Variants in MEGF11 observed in about 807,000 individuals in gnomAD.
MEGF11 encodes multiple epidermal growth factor-like domains protein 11.
A neutral mutation model predicts 146.6 loss-of-function variants in MEGF11; 126 were observed. The observed-to-expected ratio is 0.86, with a 90% CI of 0.74 to 1.00. The LOEUF (loss-of-function observed/expected upper bound fraction) is 1.00. MEGF11 is among the 50% of genes least tolerant of loss of function. MEGF11 has a pLI of 0.00. For missense variants in MEGF11, 1,509 were observed against 1,521.2 expected (o/e 0.99, Z 0.13); for synonymous variants, 532 against 583.4 (o/e 0.91, Z 1.27).
chr15:66,045,666 A>G (rs1406875529), intron 5 of MEGF11, among the ~76,000 whole-genome samples: 1 of 152,038 alleles, frequency 6.6e-6, no homozygotes, highest in Middle Eastern at 3.2e-3. Context: ...TCTGACATAT[A>G]CCCTAACTCC....
intron 1 of MEGF11, among the ~76,000 whole-genome samples, chr15:66,200,338 G>T (rs1030330917): frequency 1.3e-5 from 2 of 152,196 alleles, no homozygotes; most frequent in Admixed American, 6.5e-5. Context: ...ACAAACAGTG[G>T]TTTTCTTATG....
intron 12 of MEGF11, among the ~76,000 whole-genome samples, chr15:65,929,361 G>T (rs2079489709): frequency 6.6e-6 from 1 of 152,326 alleles, no homozygotes; most frequent in African/African-American, 2.4e-5. Flanking sequence ...ATCTACCAAC[G>T]AATGGCAACT....
intron 24 of MEGF11, among the ~76,000 whole-genome samples, chr15:65,904,281 G>A (rs901091264): frequency 5.3e-5 from 8 of 152,202 alleles, no homozygotes; most frequent in African/African-American, 1.9e-4. Context: ...AAGAAACTGA[G>A]GTGCCAGGTC....
intron 5 of MEGF11, among the ~76,000 whole-genome samples, chr15:66,000,965 C>G (rs2082348711): frequency 6.6e-6 from 1 of 152,062 alleles, no homozygotes; most frequent in Non-Finnish European, 1.5e-5. Context: ...CTTGGGAGAA[C>G]AGCATGGGCA....
chr15:65,950,166 C>T (rs962318981), intron 10 of MEGF11, among the ~76,000 whole-genome samples: 1 of 152,168 alleles, frequency 6.6e-6, no homozygotes, highest in African/African-American at 2.4e-5. Context: ...TCATCAACAG[C>T]AATAACAGCT....
chr15:65,985,261 G>C (rs996318376), intron 5 of MEGF11, among the ~76,000 whole-genome samples: 1 of 152,206 alleles, frequency 6.6e-6, no homozygotes, highest in African/African-American at 2.4e-5. Flanking sequence ...AGCTCTCCTG[G>C]TTCTAGCTCT....
intron 1 of MEGF11, among the ~76,000 whole-genome samples, chr15:66,161,856 A>G (rs930647109): frequency 1.3e-5 from 2 of 152,200 alleles, no homozygotes; most frequent in African/African-American, 4.8e-5. Context: ...CAGCAGTTAC[A>G]CCACCAGTGG....
chr15:66,183,446 G>A (rs932245024), intron 1 of MEGF11, among the ~76,000 whole-genome samples: 3 of 151,640 alleles, frequency 2.0e-5, no homozygotes, highest in African/African-American at 7.3e-5. Flanking sequence ...GTTGCAGTGA[G>A]CCGAGATTGC....
chr15:65,935,087 G>A (rs2079722302), intron 10 of MEGF11, among the ~76,000 whole-genome samples: 1 of 152,096 alleles, frequency 6.6e-6, no homozygotes, highest in Non-Finnish European at 1.5e-5. Flanking sequence ...TTGGGAGGTT[G>A]AGGCAGGCGG....
At chr15:65,955,757 AAAAAATATATATATATAT>A (rs1373892941) in intron 10 of MEGF11, among the ~76,000 whole-genome samples, 1 of 13,610 alleles carries the variant, frequency 7.3e-5, no homozygotes, top group African/African-American at 1.8e-4. Flanking sequence ...AAAAAAAAAA[AAAAAATATATATATATAT>A]ATATATATAT....
At chr15:66,106,070 G>A (rs1459955978) in intron 4 of MEGF11, among the ~76,000 whole-genome samples, 1 of 152,160 alleles carries the variant, frequency 6.6e-6, no homozygotes, top group Non-Finnish European at 1.5e-5. Context: ...GAGATTGATG[G>A]TGTCATTTGG....
intron 9 of MEGF11, among the ~76,000 whole-genome samples, chr15:65,962,311 T>C (rs553762371): frequency 6.6e-6 from 1 of 152,294 alleles, no homozygotes; most frequent in Non-Finnish European, 1.5e-5. Flanking sequence ...CCAGAGGCTC[T>C]CAACCTCTGG....
intron 10 of MEGF11, among the ~76,000 whole-genome samples, chr15:65,941,517 G>T (rs76774938): frequency 0.074 from 11,283 of 152,184 alleles, 496 homozygotes; most frequent in Non-Finnish European, 0.093. Context: ...TCAAGTTGAG[G>T]CCGTGCCACT....
intron 10 of MEGF11, among the ~76,000 whole-genome samples, chr15:65,941,298 C>T (rs1170756470): frequency 2.0e-5 from 3 of 151,980 alleles, no homozygotes; most frequent in Non-Finnish European, 2.9e-5. Flanking sequence ...CATCTGTAAT[C>T]CCAGCTACTT....
intron 1 of MEGF11, among the ~76,000 whole-genome samples, chr15:66,170,564 T>C (rs574532208): frequency 7.9e-5 from 12 of 152,330 alleles, no homozygotes; most frequent in African/African-American, 2.9e-4. Context: ...GTCTGTAAAA[T>C]GGAGATCAAA....
At position 65,922,468 on chromosome 15, in the gene MEGF11, G is replaced by A. The variant is rs1225276078; in HGVS notation, c.1827C>T (p.Cys609=). ...GFRGPLCQRI[C]PPGFYGHGCA... is the part of the protein sequence containing the mutation. Reference sequence around the variant, plus strand: ...AGCCGTGGCCATAGAACCCAGGGGGGCAGACTGAGGGTGAAGGGAAGATGG... The same window carrying A: ...AGCCGTGGCCATAGAACCCAGGGGGACAGACTGAGGGTGAAGGGAAGATGG... Residue 609 remains cysteine, a synonymous_variant, in exon 15 of 26, where the codon TGC becomes TGT. Transcript: ENST00000395614. 14 of 1,569,128 alleles carry A rather than the reference G, an allele frequency of 8.9e-6. No homozygotes were observed. The highest frequency in any genetic ancestry group is 3.5e-5 in the South Asian group (3 of 84,686).
At chr15:66,064,978 T>A (rs1180461329) in intron 5 of MEGF11, among the ~76,000 whole-genome samples, 4 of 152,208 alleles carry the variant, frequency 2.6e-5, no homozygotes, top group African/African-American at 9.7e-5. Context: ...GCACCAGGTC[T>A]CCTTCTAAGC....
intron 1 of MEGF11, among the ~76,000 whole-genome samples, chr15:66,162,471 G>A (rs983435866): frequency 5.9e-5 from 9 of 152,130 alleles, no homozygotes; most frequent in African/African-American, 2.2e-4. Context: ...TGTAAAATAA[G>A]AAACTTCCCA....
chr15:65,975,803 T>C (rs1045806821), intron 7 of MEGF11, among the ~76,000 whole-genome samples: 1 of 152,154 alleles, frequency 6.6e-6, no homozygotes. Context: ...ACTTAATTAA[T>C]AGTAATTGAA....
Sources: allele counts gnomAD v4.1 joint callset (sites outside exome capture counted in the v4.1 genomes callset), GRCh38; gene constraint gnomAD v4.1.1; transcripts MANE v1.5; gene names NCBI Gene and HGNC (gene_info 2026-07-23, HGNC 2026-07-21).